SPATA13: variants seen among roughly 807,000 people sequenced by gnomAD.
SPATA13 encodes spermatogenesis associated 13, also known as spermatogenesis-associated protein 13.
SPATA13 carries 50 observed loss-of-function variants against 104.0 expected under a neutral mutation model. The observed-to-expected ratio is 0.48, with a 90% CI of 0.38 to 0.61. The LOEUF is 0.61. Among genes scored for constraint, SPATA13 ranks in the 20% least tolerant of loss-of-function variants. The pLI, the probability that SPATA13 is intolerant of heterozygous loss-of-function variation, is 0.00. For missense variants in SPATA13, 1,524 were observed against 1,690.6 expected, an observed-to-expected ratio of 0.90 and a Z score of 1.73; for synonymous variants, 606 against 667.5, an observed-to-expected ratio of 0.91 and a Z score of 1.42.
chr13:24,122,521 C>T, intron 3 of SPATA13: 1 of 1,602,698 alleles, frequency 6.2e-7, no homozygotes, highest in Non-Finnish European at 8.5e-7. Flanking sequence ...TTCATCACTC[C>T]CCGGTTCCTC....
At chr13:23,987,803 T>A (rs1875224120) in intron 2 of SPATA13, among the ~76,000 whole-genome samples, 1 of 152,216 alleles carries the variant, frequency 6.6e-6, no homozygotes, top group Non-Finnish European at 1.5e-5. Context: ...CATTCTACTT[T>A]CTGTCTCTAT....
At chr13:24,019,175 G>A (rs1304485348) in intron 3 of SPATA13, among the ~76,000 whole-genome samples, 5 of 147,800 alleles carry the variant, frequency 3.4e-5, no homozygotes, top group African/African-American at 7.4e-5. Flanking sequence ...TGTAAGCTCC[G>A]CCTCCCGGGT....
Position 24,074,859 on chromosome 13 carries a change from A to T in SPATA13, c.-112+57158A>T, listed in dbSNP as rs1879277118. 2.6e-5 allele frequency among the ~76,000 whole-genome samples: 4 copies of T among 152,228 alleles called. No individual in the cohort carries two copies. In the South Asian group the frequency reaches 8.3e-4, roughly 32 times the overall value. On this transcript the variant is annotated intron_variant, in intron 3 of 14. Transcript: ENST00000424834. ...AGAGGATTTCTAGACAGAAAAAGGA[A>T]GGAGACATACAGGAAAGGGAAGTAA...
chr13:24,219,462 T>C (rs1871451252), intron 1 of SPATA13, among the ~76,000 whole-genome samples: 1 of 152,242 alleles, frequency 6.6e-6, no homozygotes, highest in Non-Finnish European at 1.5e-5. Flanking sequence ...ACTTCTTCAC[T>C]CTATAAAAAC....
intron 2 of SPATA13, among the ~76,000 whole-genome samples, chr13:23,999,563 C>T (rs1875859319): frequency 6.6e-6 from 1 of 151,846 alleles, no homozygotes; most frequent in East Asian, 1.9e-4. Context: ...GTGGGACTCC[C>T]AACTCCATCT....
chr13:24,113,851 A>T (rs2137815905), intron 3 of SPATA13, among the ~76,000 whole-genome samples: 1 of 145,162 alleles, frequency 6.9e-6, no homozygotes, highest in East Asian at 2.0e-4. Flanking sequence ...GTCTGGCGAC[A>T]GAGTGAGACT....
At chr13:24,162,595 G>A (rs1285232741) in intron 1 of SPATA13, 1 of 154,940 alleles carries the variant, frequency 6.5e-6, no homozygotes, top group Non-Finnish European at 1.5e-5. Context: ...CCTCTACATA[G>A]TTCTAGAATT....
chr13:24,186,414 T>A (rs943448161), intron 1 of SPATA13, among the ~76,000 whole-genome samples: 1 of 152,226 alleles, frequency 6.6e-6, no homozygotes, highest in Admixed American at 6.5e-5. Context: ...GTATGTTTGC[T>A]GGCGACTGAT....
intron 3 of SPATA13, among the ~76,000 whole-genome samples, chr13:24,043,569 A>G (rs1878013871): frequency 6.6e-6 from 1 of 152,210 alleles, no homozygotes. Context: ...TCTCCAGCTT[A>G]GAATTCACCA....
Position 24,300,434 on chromosome 13 carries a change from C to T in SPATA13, c.3617C>T (p.Ala1206Val), listed in dbSNP as rs748679247. ...MEISENQKKL[A>V]MLNAQKAGHG... The stretch of plus-strand genomic sequence containing the variant: ...ATTTCAGAAAACCAGAAGAAACTTG[C>T]CATGTTAAATGCTCAAAAGGCAGGA... The change falls in exon 12 of 13, where the codon GCC becomes GTC. Residue 1206 changes from alanine to valine, a missense_variant. Coordinates refer to ENST00000382108, the MANE Select transcript of SPATA13 (RefSeq NM_001166271.3). 3 of 1,613,922 alleles carry T rather than the reference C, an allele frequency of 1.9e-6. No individual in the cohort carries two copies. The South Asian group carries it at 3.3e-5, about 18-fold the overall frequency.
At chr13:24,270,607 T>G (rs1265062356) in intron 4 of SPATA13, 2 of 737,300 alleles carry the variant, frequency 2.7e-6, no homozygotes, top group African/African-American at 3.5e-5. Context: ...TTGCCTTAGT[T>G]TAGAATTCTC....
intron 3 of SPATA13, among the ~76,000 whole-genome samples, chr13:24,126,278 G>T (rs1406228856): frequency 6.6e-6 from 1 of 152,070 alleles, no homozygotes; most frequent in African/African-American, 2.4e-5. Flanking sequence ...CTGGAGGTGG[G>T]GTACAGCCTA....
At chr13:24,132,772 G>A (rs1019794997) in intron 3 of SPATA13, among the ~76,000 whole-genome samples, 5 of 152,020 alleles carry the variant, frequency 3.3e-5, no homozygotes, top group South Asian at 4.2e-4. Flanking sequence ...TCAAGAGTTC[G>A]AGACCAGCCT....
chr13:24,182,305 A>C (rs887024759), intron 1 of SPATA13, among the ~76,000 whole-genome samples: 1 of 152,140 alleles, frequency 6.6e-6, no homozygotes, highest in Admixed American at 6.5e-5. Context: ...TTGTTTTGCT[A>C]TAAAGGAATA....
intron 2 of SPATA13, among the ~76,000 whole-genome samples, chr13:24,235,171 C>T (rs538950997): frequency 3.9e-5 from 6 of 152,200 alleles, no homozygotes; most frequent in African/African-American, 1.2e-4. Flanking sequence ...AAGTTATAGC[C>T]GGAGCAAAGA....
At position 24,297,677 on chromosome 13, in the gene SPATA13, G is replaced by A. The variant is rs1436605442; in HGVS notation, c.3525G>A (p.Ala1175=). The A allele has an allele frequency of 8.1e-6, 13 of 1,614,098 alleles. No homozygotes were observed. The East Asian group carries it at 1.3e-4, about 17-fold the overall frequency. The change falls in exon 11 of 13, where the codon GCG becomes GCA. Residue 1175 remains alanine, a synonymous_variant. Coordinates refer to ENST00000382108, the MANE Select transcript of SPATA13 (RefSeq NM_001166271.3). ...GTGCCAAAAAACAAGAAGACAAGGC[G>A]AGGTGGCTGCAGGCCTGTGCAGATG... ...LFCAKKQEDK[A]RWLQACADER...
intron 3 of SPATA13, among the ~76,000 whole-genome samples, chr13:24,024,899 AAAATTGTTTTTT>A (rs1877137822): frequency 6.6e-6 from 1 of 150,662 alleles, no homozygotes; most frequent in Non-Finnish European, 1.5e-5. Flanking sequence ...CATTTCTCTA[AAAATTGTTTTTT>A]AATTTTAAAA....
intron 2 of SPATA13, among the ~76,000 whole-genome samples, chr13:23,994,710 A>G (rs1875594446): frequency 6.6e-6 from 1 of 152,194 alleles, no homozygotes; most frequent in African/African-American, 2.4e-5. Flanking sequence ...AACCTCTGCA[A>G]TATTGGGGTC....
chr13:24,122,088 C>T, intron 3 of SPATA13: 1 of 1,607,196 alleles, frequency 6.2e-7, no homozygotes. Flanking sequence ...GGTGCTGGGC[C>T]TCCAAAATTG....
Sources: gnomAD v4.1 joint callset for allele counts (sites outside exome capture counted in the v4.1 genomes callset) on GRCh38, gnomAD v4.1.1 for gene constraint, MANE v1.5 for transcripts, NCBI Gene and HGNC (gene_info 2026-07-23, HGNC 2026-07-21) for gene names.